Variants in TFAP2C observed in about 807,000 individuals in gnomAD.
TFAP2C encodes the protein transcription factor AP-2 gamma, also known as activating enhancer-binding protein 2 gamma.
In TFAP2C, 9 loss-of-function variants were observed where a neutral mutation model predicts 42.9. The observed-to-expected ratio is 0.21, with a 90% CI of 0.13 to 0.37. TFAP2C has a LOEUF of 0.37. Among genes scored for constraint, TFAP2C ranks in the 10% least tolerant of loss-of-function variants. The pLI is 1.00. For synonymous variants in TFAP2C, 264 were observed against 256.0 expected, an observed-to-expected ratio of 1.03 and a Z score of -0.30; for missense variants, 462 against 591.7, an observed-to-expected ratio of 0.78 and a Z score of 2.27.
In TFAP2C at chr20:56,631,895, G is replaced by A; in HGVS notation, c.586+39G>A. The A allele has an allele frequency of 6.2e-7, 1 of 1,612,398 alleles. No individual in the cohort carries two copies. Among genetic ancestry groups the A allele is most frequent in the Non-Finnish European group, 8.5e-7 (1 of 1,178,432 alleles). On this transcript the variant is annotated intron_variant, in intron 3 of 6. Coordinates refer to ENST00000201031, the MANE Select transcript of TFAP2C (RefSeq NM_003222.4). The surrounding 1 kb of genome is among the most constrained non-coding windows in gnomAD (Gnocchi z 6.1). ...TGGCATCGTCTAACTCTGGTCACAC[G>A]ATCTGGGCTTGTGAAGTTGACTGGC...
At position 56,630,787 on chromosome 20, in the gene TFAP2C, C is replaced by T. The variant is rs1384491751; in HGVS notation, c.49-418C>T. On this transcript the variant is annotated intron_variant, in intron 1 of 6. Transcript: ENST00000201031. This position sits in a 1 kb window ranked among gnomAD's most constrained non-coding sequence, Gnocchi z 5.1. ...GCGCTGCCACCTCCAGCAGTCCCTG[C>T]GTCATGGGCGGGCTCCACGAGATAG... 3 of 985,428 alleles carry T rather than the reference C, an allele frequency of 3.0e-6. No homozygotes were observed. The highest frequency in any genetic ancestry group is 3.6e-6 in the Non-Finnish European group (3 of 829,928). 61.0% of individuals were successfully genotyped at this position (985,428 alleles called of 1,614,324 possible).
chr20:56,633,209 A>G (rs1198559583), intron 3 of TFAP2C, 144 bp from the exon 4 acceptor site: 4 of 577,176 alleles, frequency 6.9e-6, no homozygotes, highest in Non-Finnish European at 9.1e-6. Context: ...TTTTTTTTTT[A>G]AATAAAGTCA....
rs1987467177 is a variant in TFAP2C, at chr20:56,630,496, C to G, written c.49-709C>G. 2.9e-6 allele frequency: 1 copy of G among 346,568 alleles called. No homozygotes were observed. The highest frequency in any genetic ancestry group is 2.2e-5 in the African/African-American group (1 of 45,348). The allele number at this position is 346,568 out of a possible 1,614,324, so 21.5% of individuals were successfully genotyped here. Reference sequence around the variant, plus strand: ...CCCAATTTCCAGGGTTCTTCATGCCCCCTCTGCGCCCCGACGTGCGAGAAC... The same window carrying G: ...CCCAATTTCCAGGGTTCTTCATGCCGCCTCTGCGCCCCGACGTGCGAGAAC... On this transcript the variant is annotated intron_variant, in intron 1 of 6. Coordinates refer to ENST00000201031, the MANE Select transcript of TFAP2C (RefSeq NM_003222.4). The surrounding 1 kb of genome is among the most constrained non-coding windows in gnomAD (Gnocchi z 5.1).
intron 5 of TFAP2C, 60 bp downstream of exon 5, chr20:56,634,328 C>A: frequency 8.1e-7 from 1 of 1,233,476 alleles, no homozygotes; most frequent in Non-Finnish European, 1.2e-6. Flanking sequence ...GTCTTTAATA[C>A]TTATTGCAGA....
chr20:56,631,248 A>C lies in TFAP2C; in HGVS notation c.92A>C (p.His31Pro), dbSNP rs574659609. The C allele has an allele frequency of 5.1e-6, 8 of 1,562,278 alleles. No individual in the cohort carries two copies. The highest frequency in any genetic ancestry group is 2.9e-5 in the African/African-American group (2 of 69,504). ...GSSNGNPRVP[H>P]LSSAGQHLYS... is the part of the protein sequence containing the mutation. ...AGCAATGGGAATCCGCGGGTCCCCCACCTCTCCTCCGCCGGGCAGCACCTC... is the reference window on the plus strand; with the variant it reads ...AGCAATGGGAATCCGCGGGTCCCCCCCCTCTCCTCCGCCGGGCAGCACCTC... Residue 31 changes from histidine (H) to proline (P), a missense_variant, in exon 2 of 7, where the codon CAC (histidine) becomes CCC (proline). His to Pro is a moderately conservative substitution (Grantham distance 77, BLOSUM62 -2). This residue lies in a region of TFAP2C where 271 missense variants were observed against 269.7 expected (regional missense o/e 1.00). Transcript: ENST00000201031. The surrounding 1 kb of genome is among the most constrained non-coding windows in gnomAD (Gnocchi z 6.1).
At position 56,631,589 on chromosome 20, in the gene TFAP2C, C is replaced by A; in HGVS notation, c.433C>A (p.Arg145Ser). 1 of 1,545,888 alleles carries A rather than the reference C, an allele frequency of 6.5e-7. No homozygotes were observed. The highest frequency in any genetic ancestry group is 1.2e-5 in the South Asian group (1 of 84,232). Residue 145 changes from arginine to serine, a missense_variant, in exon 2 of 7, where the codon CGC (arginine) becomes AGC (serine). Physicochemically the swap from Arg to Ser is moderately radical, Grantham distance 110. Coordinates refer to ENST00000201031, the MANE Select transcript of TFAP2C (RefSeq NM_003222.4). This position sits in a 1 kb window ranked among gnomAD's most constrained non-coding sequence, Gnocchi z 6.1. ...AVSARRDAYR[R>S]SDLLLPHAHA... Reference sequence around the variant, plus strand: ...GAGCGCCCGCAGGGATGCCTACCGCCGCTCCGACCTGCTGCTGCCCCACGC... The same window carrying A: ...GAGCGCCCGCAGGGATGCCTACCGCAGCTCCGACCTGCTGCTGCCCCACGC...
rs1046859818 is a variant in TFAP2C, at chr20:56,638,445, T to G, written c.*432T>G. On this transcript the variant is annotated 3_prime_UTR_variant, in exon 7 of 7. Coordinates refer to ENST00000201031, the MANE Select transcript of TFAP2C (RefSeq NM_003222.4). ...TTTTCAGTGTTAAGGTAATGGTTGG[T>G]TTTTGTGTCCGCTAAATATTTACCT... 1.2e-5 allele frequency: 2 copies of G among 160,654 alleles called. No homozygotes were observed. Among genetic ancestry groups the G allele is most frequent in the African/African-American group, 2.4e-5 (1 of 41,512 alleles). The allele number at this position is 160,654 out of a possible 1,614,324, so 10.0% of individuals were successfully genotyped here.
chr20:56,631,154 G>A lies in TFAP2C; in HGVS notation c.49-51G>A, dbSNP rs750232991. On this transcript the variant is annotated intron_variant, in intron 1 of 6. Transcript: ENST00000201031. The surrounding 1 kb of genome is among the most constrained non-coding windows in gnomAD (Gnocchi z 6.1). ...GCCCGGCGATGCCGGCCAGTTCGCA[G>A]TAGCGGGGTTTCGCACTAACGGGGT... 5 of 1,477,002 alleles carry A rather than the reference G, an allele frequency of 3.4e-6. No individual in the cohort carries two copies. In the African/African-American group the frequency reaches 7.3e-5, roughly 22 times the overall value. 91.5% of individuals were successfully genotyped at this position (1,477,002 alleles called of 1,614,324 possible). A position where few individuals can be genotyped will look rare whatever the true frequency, so the allele number is the denominator to read the frequency against.
intron 5 of TFAP2C, among the ~76,000 whole-genome samples, chr20:56,635,060 C>T (rs1987558644): frequency 6.6e-6 from 1 of 152,184 alleles, no homozygotes; most frequent in African/African-American, 2.4e-5. Flanking sequence ...AAACGGGCTC[C>T]CCGTGGCAGT....
intron 6 of TFAP2C, among the ~76,000 whole-genome samples, chr20:56,637,499 T>C (rs953997019): frequency 1.3e-5 from 2 of 152,262 alleles, no homozygotes; most frequent in African/African-American, 4.8e-5. Context: ...TTGTCTTTTC[T>C]AATTGCAGTG....
rs1194974345 is a variant in TFAP2C at position 56,630,577 on chromosome 20, G to A, written c.49-628G>A. 6.6e-6 allele frequency among the ~76,000 whole-genome samples: 1 copy of A among 152,138 alleles called. No homozygotes were observed. The highest frequency in any genetic ancestry group is 1.5e-5 in the Non-Finnish European group (1 of 67,998). On this transcript the variant is annotated intron_variant, in intron 1 of 6. Transcript: ENST00000201031. The surrounding 1 kb of genome is among the most constrained non-coding windows in gnomAD (Gnocchi z 5.1). ...TTATTACTCCCCTCGGCTGGGCCCG[G>A]CCAGCAGGGAGGGCCGCCCTGTGCG...
chr20:56,630,304 C>T lies in TFAP2C; in HGVS notation c.48+712C>T, dbSNP rs1884809527. The T allele has an allele frequency of 2.6e-6, 1 of 390,842 alleles. No homozygotes were observed. Among genetic ancestry groups the T allele is most frequent in the African/African-American group, 2.2e-5 (1 of 46,342 alleles). 24.2% of individuals were successfully genotyped at this position (390,842 alleles called of 1,614,324 possible). A position where few individuals can be genotyped will look rare whatever the true frequency, so the allele number is the denominator to read the frequency against. On this transcript the variant is annotated intron_variant, in intron 1 of 6. Coordinates refer to ENST00000201031, the MANE Select transcript of TFAP2C (RefSeq NM_003222.4). This position sits in a 1 kb window ranked among gnomAD's most constrained non-coding sequence, Gnocchi z 5.1. The stretch of plus-strand genomic sequence containing the variant: ...CGGGAGTTCACTGCGCCTCCGGGCC[C>T]TGGAGGGCTGCCCCTGCCCGCAGGC...
chr20:56,632,779 AC>A (rs1220646099), intron 3 of TFAP2C, among the ~76,000 whole-genome samples: 2 of 152,158 alleles, frequency 1.3e-5, no homozygotes, highest in African/African-American at 4.8e-5. Flanking sequence ...TCTTCTGAAA[AC>A]AAATGTTCTA....
chr20:56,632,827 AAAAG>A (rs1384102041), intron 3 of TFAP2C, among the ~76,000 whole-genome samples: 5 of 152,136 alleles, frequency 3.3e-5, no homozygotes, highest in African/African-American at 7.2e-5. Flanking sequence ...GAAAAAAAAA[AAAAG>A]AAACCCTCCA....
In TFAP2C at chr20:56,629,529, G is replaced by A; in HGVS notation, c.-16G>A. On this transcript the variant is annotated 5_prime_UTR_variant, in exon 1 of 7. Coordinates refer to ENST00000201031, the MANE Select transcript of TFAP2C (RefSeq NM_003222.4). This position sits in a 1 kb window ranked among gnomAD's most constrained non-coding sequence, Gnocchi z 5.9. ...CTGGATTTAACTGGCGACTGTTTTGGGGGACGCCGGACGCCATGTTGTGGA... is the reference window on the plus strand; with the variant it reads ...CTGGATTTAACTGGCGACTGTTTTGAGGGACGCCGGACGCCATGTTGTGGA... 1 of 1,420,660 alleles carries A rather than the reference G, an allele frequency of 7.0e-7. No individual in the cohort carries two copies. Among genetic ancestry groups the A allele is most frequent in the Non-Finnish European group, 9.2e-7 (1 of 1,084,562 alleles). The allele number at this position is 1,420,660 out of a possible 1,614,324, so 88.0% of individuals were successfully genotyped here. A position where few individuals can be genotyped will look rare whatever the true frequency, so the allele number is the denominator to read the frequency against.
Position 56,637,817 on chromosome 20 carries a change from T to G in TFAP2C, c.1157T>G (p.Ile386Arg). ...CTCGCCCCAGTCTTGGAGACGAACA[T>G]ACAGAACTGCTTGTCTCATTTCAGC... ...SRLAPVLETN[I>R]QNCLSHFSLI... The change falls in exon 7 of 7, where the codon ATA (isoleucine) becomes AGA (arginine). Residue 386 changes from isoleucine (I) to arginine (R), a missense_variant. By Grantham distance (97) the Ile-to-Arg change is moderately conservative. Transcript: ENST00000201031. 6.2e-7 allele frequency: 1 copy of G among 1,612,772 alleles called. No individual in the cohort carries two copies. The highest frequency in any genetic ancestry group is 8.5e-7 in the Non-Finnish European group (1 of 1,178,760).
chr20:56,631,490 G>A lies in TFAP2C; in HGVS notation c.334G>A (p.Ala112Thr), dbSNP rs1399920519. ...AWPGRQSQEGAGLPSHHGRPA... is the reference protein window; with the variant it reads ...AWPGRQSQEGTGLPSHHGRPA... ...GCCCGGCCGCCAGAGCCAGGAGGGA[G>A]CGGGGCTGCCCTCGCACCACGGGCG... Residue 112 changes from alanine to threonine, a missense_variant, in exon 2 of 7, where the codon GCG becomes ACG. Around this residue, in one of 5 missense-constraint regions of TFAP2C, gnomAD observed 271 missense variants for 269.7 expected, o/e 1.00. Coordinates refer to ENST00000201031, the MANE Select transcript of TFAP2C (RefSeq NM_003222.4). The surrounding 1 kb of genome is among the most constrained non-coding windows in gnomAD (Gnocchi z 6.1). 2.0e-6 allele frequency: 3 copies of A among 1,516,196 alleles called. No homozygotes were observed. Among genetic ancestry groups the A allele is most frequent in the Non-Finnish European group, 2.6e-6 (3 of 1,136,828 alleles). The allele number at this position is 1,516,196 out of a possible 1,614,324, so 93.9% of individuals were successfully genotyped here.
In TFAP2C at chr20:56,630,378, C is replaced by T. The variant is rs767504264; in HGVS notation, c.48+786C>T. 27 of 456,844 alleles carry T rather than the reference C, an allele frequency of 5.9e-5. No homozygotes were observed. Among genetic ancestry groups the T allele is most frequent in the South Asian group, 3.3e-4 (21 of 63,390 alleles). The allele number at this position is 456,844 out of a possible 1,614,324, so 28.3% of individuals were successfully genotyped here. A position where few individuals can be genotyped will look rare whatever the true frequency, so the allele number is the denominator to read the frequency against. ...ACAGCGCCATGTTCCTCCAGGTTCC[C>T]GGCGCCCCGAGACCCCTGGGCAGAT... On this transcript the variant is annotated intron_variant, in intron 1 of 6. Transcript: ENST00000201031. This position sits in a 1 kb window ranked among gnomAD's most constrained non-coding sequence, Gnocchi z 5.1.
chr20:56,638,118 G>GT lies in TFAP2C; in HGVS notation c.*107dup. The GT allele has an allele frequency of 9.9e-7, 1 of 1,008,268 alleles. No homozygotes were observed. The highest frequency in any genetic ancestry group is 1.4e-6 in the Non-Finnish European group (1 of 700,028). 62.5% of individuals were successfully genotyped at this position (1,008,268 alleles called of 1,614,324 possible). A position where few individuals can be genotyped will look rare whatever the true frequency, so the allele number is the denominator to read the frequency against. The stretch of plus-strand genomic sequence containing the variant: ...CCCTCCTGGCCTGGGGGAAGAGTTT[G>GT]TTACCTACCTTACTATTTAAAGAGC... On this transcript the variant is annotated 3_prime_UTR_variant, in exon 7 of 7. Coordinates refer to ENST00000201031, the MANE Select transcript of TFAP2C (RefSeq NM_003222.4).
Sources: gnomAD v4.1 joint callset for allele counts (sites outside exome capture counted in the v4.1 genomes callset) on GRCh38, gnomAD v4.1.1 for gene constraint, gnomAD v4.1.1 regional missense constraint, Gnocchi (gnomAD v3.1) non-coding constraint, MANE v1.5 for transcripts, NCBI Gene and HGNC (gene_info 2026-07-23, HGNC 2026-07-21) for gene names.